GLYR1: variants seen among roughly 807,000 people sequenced by gnomAD.
GLYR1 encodes the protein glyoxylate reductase 1 homolog.
GLYR1 carries 21 observed loss-of-function variants against 72.7 expected under a neutral mutation model. That is an observed-to-expected ratio of 0.29 (90% CI 0.20 to 0.42). The LOEUF (loss-of-function observed/expected upper bound fraction) is 0.42. Ranked by LOEUF, GLYR1 falls within the 10% of genes least tolerant of loss-of-function variation. GLYR1 has a pLI of 1.00. For synonymous variants in GLYR1, 392 were observed against 270.2 expected (o/e 1.45, Z -4.42); for missense variants, 594 against 712.1 (o/e 0.83, Z 1.89).
intron 3 of GLYR1, among the ~76,000 whole-genome samples, chr16:4,841,131 C>G (rs1416715565): frequency 6.6e-6 from 1 of 152,080 alleles, no homozygotes; most frequent in Non-Finnish European, 1.5e-5. Context: ...CTCCAAAGAA[C>G]CTTCGTCAGT....
chr16:4,832,266 G>T (rs1484811493), intron 4 of GLYR1, 45 bp from the exon 5 acceptor site: 2 of 1,603,054 alleles, frequency 1.2e-6, no homozygotes. Flanking sequence ...CACAGCTGCT[G>T]CCGCCATCGC....
In GLYR1 at chr16:4,811,226, T is replaced by G. The variant is rs760252853; in HGVS notation, c.1531A>C (p.Ile511Leu). The change falls in exon 15 of 16, where the codon ATT becomes CTT. Residue 511 changes from isoleucine (I) to leucine (L), a missense_variant. Ile to Leu is a conservative substitution (Grantham distance 5, BLOSUM62 2). Transcript: ENST00000321919. ...KYIQKDLRLA[I>L]ALGDAVNHPT... ...TGGTTGACCGCATCACCCAGCGCAA[T>G]GGCTAAGCGGAGATCCTTCTGAATG... 1.2e-6 allele frequency: 2 copies of G among 1,614,130 alleles called. No individual in the cohort carries two copies. Among genetic ancestry groups the G allele is most frequent in the East Asian group, 4.5e-5 (2 of 44,882 alleles).
chr16:4,835,131 G>C (rs1452150412), intron 3 of GLYR1, among the ~76,000 whole-genome samples: 1 of 152,014 alleles, frequency 6.6e-6, no homozygotes, highest in African/African-American at 2.4e-5. Flanking sequence ...GATTTTTATG[G>C]AACCCCTTGA....
intron 9 of GLYR1, among the ~76,000 whole-genome samples, chr16:4,820,934 CA>C (rs1450116282): frequency 6.6e-6 from 1 of 152,228 alleles, no homozygotes; most frequent in Non-Finnish European, 1.5e-5. Context: ...CCACCTGCCC[CA>C]CCATGGCCAA....
At chr16:4,837,228 T>A (rs1023875242) in intron 3 of GLYR1, among the ~76,000 whole-genome samples, 3 of 152,156 alleles carry the variant, frequency 2.0e-5, no homozygotes, top group African/African-American at 7.2e-5. Flanking sequence ...GGCCAGGAAT[T>A]CGACACCAGC....
intron 2 of GLYR1, 52 bp from the exon 3 acceptor site, chr16:4,845,205 T>TTC (rs749628952): frequency 8.1e-7 from 1 of 1,232,882 alleles, no homozygotes; most frequent in South Asian, 1.2e-5. Flanking sequence ...GCAGCCCACT[T>TTC]TCTAGTGGCT....
rs2083516277 is a variant in GLYR1 at position 4,814,657 on chromosome 16, T to G, written c.907-10A>C. The G allele has an allele frequency of 6.3e-7, 1 of 1,598,408 alleles. No homozygotes were observed. The highest frequency in any genetic ancestry group is 8.6e-7 in the Non-Finnish European group (1 of 1,166,028). ...GGATGAACAAATCACACTGCAAAAG[T>G]CACAGATCCTAACGTGAGCTGCAGG... On this transcript the variant is annotated splice_polypyrimidine_tract_variant and intron_variant, in intron 10 of 15. Transcript: ENST00000321919.
chr16:4,813,994 A>G (rs1331765795), intron 11 of GLYR1, 156 bp from the exon 12 acceptor site: 1 of 549,864 alleles, frequency 1.8e-6, no homozygotes, highest in Non-Finnish European at 3.2e-6. Flanking sequence ...AAGGGATAGA[A>G]AAGTACTTCC....
At position 4,827,593 on chromosome 16, in the gene GLYR1, AAAC is replaced by A. The variant is rs1249120942; in HGVS notation, c.538-3689_538-3687del. 7.8e-3 allele frequency among the ~76,000 whole-genome samples: 1,130 copies of A among 145,364 alleles called. 10 individuals carry two copies. The highest frequency in any genetic ancestry group is 0.026 in the African/African-American group (995 of 38,876). ...TTGTAGGTGTTGCACTTAAAAAAAC[AAAC>A]AAACAAACAAACAAAAAAAACGGGC... On this transcript the variant is annotated intron_variant, in intron 5 of 15. Transcript: ENST00000321919.
intron 6 of GLYR1, 30 bp from the exon 7 acceptor site, chr16:4,822,961 A>C: frequency 6.3e-7 from 1 of 1,597,074 alleles, no homozygotes; most frequent in Non-Finnish European, 8.6e-7. Flanking sequence ...AAATAAAACC[A>C]GTTATCTGCC....
chr16:4,820,903 A>G (rs1029887406), intron 9 of GLYR1, among the ~76,000 whole-genome samples: 1 of 152,222 alleles, frequency 6.6e-6, no homozygotes, highest in Non-Finnish European at 1.5e-5. Context: ...AGGATCCCCA[A>G]GCACTTTCAT....
intron 9 of GLYR1, among the ~76,000 whole-genome samples, chr16:4,818,723 C>T (rs141452102): frequency 1.6e-4 from 25 of 152,258 alleles, no homozygotes; most frequent in Middle Eastern, 3.4e-3. Flanking sequence ...CTACCCACAC[C>T]CTACCTTTCC....
chr16:4,817,511 G>A, intron 10 of GLYR1, 87 bp downstream of exon 10: 1 of 794,280 alleles, frequency 1.3e-6, no homozygotes, highest in East Asian at 2.4e-5. Context: ...ATTGCACGCA[G>A]AACGCTGAGA....
chr16:4,806,824 T>TG (rs1320690601), intron 15 of GLYR1, among the ~76,000 whole-genome samples: 2 of 149,314 alleles, frequency 1.3e-5, no homozygotes, highest in East Asian at 4.0e-4. Context: ...TTTTTTGAGA[T>TG]GGAGTCTTGC....
At chr16:4,843,145 T>C (rs1274337830) in intron 3 of GLYR1, among the ~76,000 whole-genome samples, 23 of 152,214 alleles carry the variant, frequency 1.5e-4, no homozygotes, top group Admixed American at 1.4e-3. Flanking sequence ...ACTGATGTTA[T>C]GCATGAGGAC....
chr16:4,817,767 C>T, intron 9 of GLYR1, 70 bp from the exon 10 acceptor site: 1 of 972,318 alleles, frequency 1.0e-6, no homozygotes, highest in Admixed American at 1.7e-5. Context: ...TTCCATGCAG[C>T]ACAAGGCTCG....
At chr16:4,816,751 C>G (rs1295891467) in intron 10 of GLYR1, among the ~76,000 whole-genome samples, 1 of 151,950 alleles carries the variant, frequency 6.6e-6, no homozygotes, top group African/African-American at 2.4e-5. Flanking sequence ...TTTGGGAGGC[C>G]AAGGCGGGTG....
chr16:4,830,759 G>A (rs571325190), intron 5 of GLYR1, among the ~76,000 whole-genome samples: 1 of 152,194 alleles, frequency 6.6e-6, no homozygotes, highest in Non-Finnish European at 1.5e-5. Context: ...CCCAAATCTT[G>A]TCAGCAAGAA....
intron 5 of GLYR1, among the ~76,000 whole-genome samples, chr16:4,829,974 A>T (rs1365799312): frequency 6.6e-6 from 1 of 151,350 alleles, no homozygotes; most frequent in East Asian, 2.0e-4. Context: ...CACCCAGCAA[A>T]AAAAATTTTA....
Sources: allele counts gnomAD v4.1 joint callset (sites outside exome capture counted in the v4.1 genomes callset), GRCh38; gene constraint gnomAD v4.1.1; transcripts MANE v1.5; gene names NCBI Gene and HGNC (gene_info 2026-07-23, HGNC 2026-07-21).